POU2F3: variants seen among roughly 807,000 people sequenced by gnomAD.
The protein encoded by POU2F3 is POU domain, class 2, transcription factor 3.
A neutral mutation model predicts 59.2 loss-of-function variants in POU2F3; 23 were observed. That is an observed-to-expected ratio of 0.39 (90% CI 0.28 to 0.55). The LOEUF (loss-of-function observed/expected upper bound fraction) is 0.55. POU2F3 is among the 20% of genes least tolerant of loss of function. POU2F3 has a pLI of 0.66. For missense variants in POU2F3, 473 were observed against 544.5 expected, an observed-to-expected ratio of 0.87 and a Z score of 1.31; for synonymous variants, 190 against 214.6, an observed-to-expected ratio of 0.89 and a Z score of 1.00.
rs548013047 is a variant in POU2F3 at position 120,258,701 on chromosome 11, G to T, written c.98-10509G>T. ...AGTCAAGGTTTTGATTGGGAACTTGGATCTTTTGGCCCCGTTCCTTGCAGC... is the reference window on the plus strand; with the variant it reads ...AGTCAAGGTTTTGATTGGGAACTTGTATCTTTTGGCCCCGTTCCTTGCAGC... On this transcript the variant is annotated intron_variant, in intron 2 of 12. Coordinates refer to ENST00000543440, the MANE Select transcript of POU2F3 (RefSeq NM_014352.4). Among the ~76,000 whole-genome samples, 10 of 152,314 alleles carry T rather than the reference G, an allele frequency of 6.6e-5. No individual in the cohort carries two copies. In the South Asian group the frequency reaches 1.2e-3, roughly 19 times the overall value.
chr11:120,255,709 G>T (rs1939312881), intron 2 of POU2F3, among the ~76,000 whole-genome samples: 1 of 152,070 alleles, frequency 6.6e-6, no homozygotes, highest in Non-Finnish European at 1.5e-5. Context: ...GGAGGAGTCG[G>T]CGCTGGGCTG....
chr11:120,298,342 C>T lies in POU2F3; in HGVS notation c.210C>T (p.Ala70=), dbSNP rs546166535. The change falls in exon 4 of 13, where the codon GCC becomes GCT. Residue 70 remains alanine, a synonymous_variant. Coordinates refer to ENST00000543440, the MANE Select transcript of POU2F3 (RefSeq NM_014352.4). ...CATGCCACCTGAGTCAAGGACCTGC[C>T]ATGATGTCCGGAAACCAAATGTCTG... ...HRPCHLSQGP[A]MMSGNQMSGL... 3.1e-5 allele frequency: 50 copies of T among 1,613,704 alleles called. No individual in the cohort carries two copies. Among genetic ancestry groups the T allele is most frequent in the Non-Finnish European group, 4.2e-5 (49 of 1,179,902 alleles).
rs561953049 is a variant in POU2F3 at position 120,293,340 on chromosome 11, A to T, written c.133-4925A>T. ...GGGAGAATCCCCCAAGCAAAAATGC[A>T]GCCGGTATCTCTTGGGGTACTTTCA... On this transcript the variant is annotated intron_variant, in intron 3 of 12. Coordinates refer to ENST00000543440, the MANE Select transcript of POU2F3 (RefSeq NM_014352.4). Among the ~76,000 whole-genome samples the T allele has an allele frequency of 2.6e-5, 4 of 152,354 alleles. No homozygotes were observed. The East Asian group carries it at 7.7e-4, about 29-fold the overall frequency.
chr11:120,274,386 A>G (rs1340782700), intron 3 of POU2F3, among the ~76,000 whole-genome samples: 1 of 152,218 alleles, frequency 6.6e-6, no homozygotes, highest in African/African-American at 2.4e-5. Flanking sequence ...ATGTGCTATT[A>G]TTATTACTAT....
At chr11:120,267,134 T>TA (rs1939858798) in intron 2 of POU2F3, among the ~76,000 whole-genome samples, 1 of 137,554 alleles carries the variant, frequency 7.3e-6, no homozygotes, top group Non-Finnish European at 1.6e-5. Context: ...AGCAGATCTC[T>TA]TTTTTTTTTT....
chr11:120,292,317 G>A (rs778873449), intron 3 of POU2F3, among the ~76,000 whole-genome samples: 8 of 152,016 alleles, frequency 5.3e-5, no homozygotes, highest in Non-Finnish European at 7.4e-5. Flanking sequence ...GGACAGCAAA[G>A]TCCTTCCCTG....
chr11:120,300,948 C>T (rs1440478372), intron 5 of POU2F3: 4 of 447,494 alleles, frequency 8.9e-6, no homozygotes, highest in Admixed American at 2.4e-5. Flanking sequence ...ATGAATGAGA[C>T]CCTATTTGAA....
intron 11 of POU2F3, among the ~76,000 whole-genome samples, chr11:120,316,571 G>T (rs1941793988): frequency 6.6e-6 from 1 of 152,198 alleles, no homozygotes; most frequent in Non-Finnish European, 1.5e-5. Context: ...GACTACAGGT[G>T]CATGTCATCA....
intron 2 of POU2F3, chr11:120,256,920 T>A (rs574839574): frequency 6.6e-6 from 1 of 152,358 alleles, no homozygotes; most frequent in South Asian, 2.1e-4. Context: ...TGGGTTTCAG[T>A]CTCTACTCAG....
chr11:120,298,485 C>G, intron 4 of POU2F3, 95 bp downstream of exon 4: 1 of 1,521,440 alleles, frequency 6.6e-7, no homozygotes, highest in Non-Finnish European at 8.9e-7. Context: ...TAAAGAACCC[C>G]CTGCAGGCAA....
chr11:120,270,363 A>C (rs1267822449), intron 3 of POU2F3, among the ~76,000 whole-genome samples: 1 of 152,184 alleles, frequency 6.6e-6, no homozygotes, highest in Non-Finnish European at 1.5e-5. Context: ...ATACAGCCTC[A>C]TTTATGTTTT....
chr11:120,299,182 T>G (rs1295710167), intron 4 of POU2F3, among the ~76,000 whole-genome samples: 4 of 152,162 alleles, frequency 2.6e-5, no homozygotes, highest in Non-Finnish European at 5.9e-5. Flanking sequence ...CAGGAAAGAT[T>G]CTGGCCCAGG....
At chr11:120,261,489 G>T (rs907094626) in intron 2 of POU2F3, among the ~76,000 whole-genome samples, 3 of 152,170 alleles carry the variant, frequency 2.0e-5, no homozygotes, top group African/African-American at 7.2e-5. Flanking sequence ...AGAACCAAAA[G>T]AGGCCTGGAG....
intron 12 of POU2F3, among the ~76,000 whole-genome samples, chr11:120,317,686 C>G (rs1447931538): frequency 6.6e-6 from 1 of 151,460 alleles, no homozygotes. Context: ...TTCATGGGAA[C>G]CCAGTTCTCA....
At chr11:120,258,256 C>T (rs542010826) in intron 2 of POU2F3, among the ~76,000 whole-genome samples, 2 of 152,212 alleles carry the variant, frequency 1.3e-5, no homozygotes, top group African/African-American at 4.8e-5. Context: ...TAGGAAAGAG[C>T]CCCTTGGACT....
At chr11:120,268,340 T>G (rs147698567) in intron 2 of POU2F3, among the ~76,000 whole-genome samples, 7 of 152,148 alleles carry the variant, frequency 4.6e-5, no homozygotes, top group Non-Finnish European at 8.8e-5. Context: ...TCTTATGTAT[T>G]TATTTATTTA....
Position 120,314,000 on chromosome 11 carries a change from C to T in POU2F3, c.1069-1361C>T, listed in dbSNP as rs559571240. Among the ~76,000 whole-genome samples the T allele has an allele frequency of 1.6e-3, 238 of 152,152 alleles. 1 individual carries two copies. The highest frequency in any genetic ancestry group is 3.2e-4 in the Non-Finnish European group (22 of 67,996). Reference sequence around the variant, plus strand: ...TTGCACTCCAGCCTGGGTGACAGAGCGAGACTCCATCTCAAACCAACAACA... The same window carrying T: ...TTGCACTCCAGCCTGGGTGACAGAGTGAGACTCCATCTCAAACCAACAACA... On this transcript the variant is annotated intron_variant, in intron 10 of 12. Transcript: ENST00000543440.
At chr11:120,266,362 T>C (rs926057026) in intron 2 of POU2F3, among the ~76,000 whole-genome samples, 3 of 152,170 alleles carry the variant, frequency 2.0e-5, no homozygotes, top group South Asian at 2.1e-4. Flanking sequence ...CTTGAGCTAT[T>C]GCAGCAGCCT....
At chr11:120,273,354 G>C (rs921142711) in intron 3 of POU2F3, among the ~76,000 whole-genome samples, 2 of 152,216 alleles carry the variant, frequency 1.3e-5, no homozygotes, top group African/African-American at 2.4e-5. Context: ...AGAATGCTAA[G>C]CTCTACCTAA....
Sources: allele counts gnomAD v4.1 joint callset (sites outside exome capture counted in the v4.1 genomes callset), GRCh38; gene constraint gnomAD v4.1.1; transcripts MANE v1.5; gene names NCBI Gene and HGNC (gene_info 2026-07-23, HGNC 2026-07-21).